The following PDPR variants were observed in gnomAD, a reference collection of about 807,000 sequenced individuals.
PDPR encodes pyruvate dehydrogenase phosphatase regulatory subunit, mitochondrial.
In PDPR, 50 loss-of-function variants were observed where a neutral mutation model predicts 102.2. The observed-to-expected ratio is 0.49, with a 90% CI of 0.39 to 0.62. PDPR has a LOEUF of 0.62. Among genes scored for constraint, PDPR ranks in the 20% least tolerant of loss-of-function variants. The probability of loss-of-function intolerance (pLI) is 0.00; values close to 1 mark genes in which losing one functional copy is unlikely to be tolerated. For synonymous variants in PDPR, 259 were observed against 406.0 expected (o/e 0.64, Z 4.35); for missense variants, 625 against 1,098.2 (o/e 0.57, Z 6.09).
chr16:70,156,898 A>G lies in PDPR; in HGVS notation c.*19A>G. 1 of 1,609,186 alleles carries G rather than the reference A, an allele frequency of 6.2e-7. No individual in the cohort carries two copies. The highest frequency in any genetic ancestry group is 8.5e-7 in the Non-Finnish European group (1 of 1,177,754). On this transcript the variant is annotated 3_prime_UTR_variant, in exon 19 of 19. Coordinates refer to ENST00000288050, the MANE Select transcript of PDPR (RefSeq NM_017990.5). ...GAAGTGATGCCACCAGGGCAGCCTC[A>G]CCTCCTCCCCATCATCTTGTCCTAG... is the stretch of plus-strand genomic sequence containing the variant.
chr16:70,127,154 T>G, intron 3 of PDPR, 106 bp from the exon 4 acceptor site: 1 of 1,537,574 alleles, frequency 6.5e-7, no homozygotes, highest in Non-Finnish European at 8.7e-7. Flanking sequence ...TGTGCCCAGC[T>G]TGTTTCCATC....
chr16:70,131,806 C>T lies in PDPR; in HGVS notation c.848-345C>T, dbSNP rs531882895. The stretch of plus-strand genomic sequence containing the variant: ...GGAGAGGGTTCTCACATCCTTTTGA[C>T]GGTCTTCATGCCTAGAATGGGCTCT... On this transcript the variant is annotated intron_variant, in intron 8 of 18. Transcript: ENST00000288050. 936 of 1,370,172 alleles carry T rather than the reference C, an allele frequency of 6.8e-4. 3 individuals are homozygous for T. The African/African-American group carries it at 0.012, about 17-fold the overall frequency. 84.9% of individuals were successfully genotyped at this position (1,370,172 alleles called of 1,614,324 possible).
intron 2 of PDPR, among the ~76,000 whole-genome samples, chr16:70,118,411 A>G (rs1962875980): frequency 6.6e-6 from 1 of 152,256 alleles, no homozygotes; most frequent in African/African-American, 2.4e-5. Context: ...ATACAGACAG[A>G]GGTCTGCCTG....
In PDPR at chr16:70,156,756, G is replaced by A. The variant is rs200091946; in HGVS notation, c.2517G>A (p.Glu839=). The change falls in exon 19 of 19, where the codon GAG becomes GAA. Residue 839 remains glutamate (E), a synonymous_variant. Coordinates refer to ENST00000288050, the MANE Select transcript of PDPR (RefSeq NM_017990.5). ...CAGCAGATTTCATCAACCGGGGAGA[G>A]TATGAGATTGACATCGCGGGATACC... is the stretch of plus-strand genomic sequence containing the variant. The part of the protein sequence containing the change: ...VVTADFINRG[E]YEIDIAGYRF... 241 of 1,613,784 alleles carry A rather than the reference G, an allele frequency of 1.5e-4. No homozygotes were observed. The highest frequency in any genetic ancestry group is 4.9e-4 in the Middle Eastern group (3 of 6,082).
Position 70,119,920 on chromosome 16 carries a change from G to GTT in PDPR, c.-32-539_-32-538dup, listed in dbSNP as rs796983852. Among the ~76,000 whole-genome samples, 1,063 of 137,744 alleles carry GTT rather than the reference G, an allele frequency of 7.7e-3. 57 individuals are homozygous for GTT. Among genetic ancestry groups the GTT allele is most frequent in the African/African-American group, 0.033 (995 of 29,992 alleles). 90.4% of individuals were successfully genotyped at this position (137,744 alleles called of 152,430 possible). A position where few individuals can be genotyped will look rare whatever the true frequency, so the allele number is the denominator to read the frequency against. ...TTTTTTGTTTTTTTTTTGTTTGTTT[G>GTT]TTTGTTTTTTTTTTGAGACGGAGTC... On this transcript the variant is annotated intron_variant, in intron 2 of 18. Transcript: ENST00000288050.
At chr16:70,118,071 C>T (rs1284387587) in intron 2 of PDPR, among the ~76,000 whole-genome samples, 3 of 145,020 alleles carry the variant, frequency 2.1e-5, no homozygotes, top group East Asian at 2.0e-4. Context: ...CCCAGCTGGG[C>T]GACAGAGTGA....
chr16:70,152,533 A>G (rs966933781), intron 17 of PDPR, among the ~76,000 whole-genome samples: 2 of 152,262 alleles, frequency 1.3e-5, no homozygotes, highest in African/African-American at 4.8e-5. Flanking sequence ...TAAATAAGTA[A>G]ATAAAGTTGT....
Position 70,153,508 on chromosome 16 carries a change from C to G in PDPR, c.2170C>G (p.Gln724Glu). 2 of 1,612,746 alleles carry G rather than the reference C, an allele frequency of 1.2e-6. No homozygotes were observed. Among genetic ancestry groups the G allele is most frequent in the Non-Finnish European group, 1.7e-6 (2 of 1,179,466 alleles). Residue 724 changes from glutamine (Q) to glutamate (E), a missense_variant, in exon 18 of 19, where the codon CAG becomes GAG. Gln to Glu is a conservative substitution (Grantham distance 29). This residue lies in a region of PDPR where 303 missense variants were observed against 258.9 expected (regional missense o/e 1.17). Coordinates refer to ENST00000288050, the MANE Select transcript of PDPR (RefSeq NM_017990.5). ...TGAGAAGTTTTTTGCCTTCTGGGGT[C>G]AGGATATAAATAACCTCACCACGCC... ...RIEKFFAFWG[Q>E]DINNLTTPLE...
chr16:70,121,912 G>T (rs145376743), intron 3 of PDPR, among the ~76,000 whole-genome samples: 261 of 152,126 alleles, frequency 1.7e-3, no homozygotes, highest in Non-Finnish European at 3.1e-3. Context: ...CTACTGACAT[G>T]CACCACCACA....
Position 70,117,954 on chromosome 16 carries a change from G to C in PDPR, c.-32-2507G>C, listed in dbSNP as rs151259706. Among the ~76,000 whole-genome samples the C allele has an allele frequency of 1.4e-4, 21 of 152,044 alleles. No individual in the cohort carries two copies. The East Asian group carries it at 4.1e-3, about 29-fold the overall frequency. On this transcript the variant is annotated intron_variant, in intron 2 of 18. Transcript: ENST00000288050. ...CTAAAAATACAAAAAGTAACTGGGC[G>C]TGGTGGCGCGTGCTTGTAGTTCCAG...
rs1201065640 is a variant in PDPR at position 70,138,207 on chromosome 16, A to ATT, written c.1191-665_1191-664dup. Among the ~76,000 whole-genome samples, 429 of 94,020 alleles carry ATT rather than the reference A, an allele frequency of 4.6e-3. 7 individuals are homozygous for ATT. Among genetic ancestry groups the ATT allele is most frequent in the African/African-American group, 0.014 (318 of 22,394 alleles). The allele number at this position is 94,020 out of a possible 152,430, so 61.7% of individuals were successfully genotyped here. On this transcript the variant is annotated intron_variant, in intron 10 of 18. Coordinates refer to ENST00000288050, the MANE Select transcript of PDPR (RefSeq NM_017990.5). ...CAGGCATGTGCCACCACGCCGGCTA[A>ATT]TTTTTTTTTTTTTTTTTTTTTTTTT...
chr16:70,154,251 C>T (rs1966876408), intron 18 of PDPR, among the ~76,000 whole-genome samples: 1 of 152,282 alleles, frequency 6.6e-6, no homozygotes, highest in Non-Finnish European at 1.5e-5. Context: ...TCACTTGAAC[C>T]TAACAGGCAG....
intron 10 of PDPR, 69 bp from the exon 11 acceptor site, chr16:70,138,830 C>A: frequency 6.2e-7 from 1 of 1,602,382 alleles, no homozygotes; most frequent in Non-Finnish European, 8.5e-7. Context: ...TGTTTGTTCT[C>A]GATTTGTAGA....
At position 70,156,675 on chromosome 16, in the gene PDPR, T is replaced by G; in HGVS notation, c.2436T>G (p.Val812=). 3 of 1,614,056 alleles carry G rather than the reference T, an allele frequency of 1.9e-6. No individual in the cohort carries two copies. The highest frequency in any genetic ancestry group is 2.5e-6 in the Non-Finnish European group (3 of 1,179,914). Residue 812 remains valine (V), a synonymous_variant, in exon 19 of 19, where the codon GTT becomes GTG. Transcript: ENST00000288050. ...ACAGCTACAGCCTGGAGCGCCACGT[T>G]TGCCTGGGCTTTGTGCACAATTTTT... The part of the protein sequence containing the change: ...SAYSYSLERH[V]CLGFVHNFSE...
At chr16:70,125,115 G>A (rs536364468) in intron 3 of PDPR, among the ~76,000 whole-genome samples, 209 of 152,276 alleles carry the variant, frequency 1.4e-3, no homozygotes, top group Middle Eastern at 0.01. Context: ...AGTGGCTTAT[G>A]CCGGTAATCC....
rs1355501290 is a variant in PDPR, at chr16:70,156,946, C to T, written c.*67C>T. On this transcript the variant is annotated 3_prime_UTR_variant, in exon 19 of 19. Coordinates refer to ENST00000288050, the MANE Select transcript of PDPR (RefSeq NM_017990.5). ...TAGAGTGGGCGTCACCTTGGAGCTT[C>T]TCTTCCTTCCGCCTCTGTTCCTCTT... 6.4e-7 allele frequency: 1 copy of T among 1,562,012 alleles called. No individual in the cohort carries two copies. Among genetic ancestry groups the T allele is most frequent in the African/African-American group, 1.4e-5 (1 of 73,362 alleles).
intron 17 of PDPR, among the ~76,000 whole-genome samples, chr16:70,152,527 T>C (rs1221498511): frequency 3.9e-5 from 6 of 152,242 alleles, no homozygotes; most frequent in Non-Finnish European, 5.9e-5. Flanking sequence ...CAAAAATAAA[T>C]AAGTAAATAA....
chr16:70,148,817 C>G (rs1331805205), intron 17 of PDPR, among the ~76,000 whole-genome samples: 3 of 152,248 alleles, frequency 2.0e-5, no homozygotes, highest in Non-Finnish European at 4.4e-5. Flanking sequence ...CTGTTCTCAC[C>G]AACTGTCACC....
At chr16:70,126,085 G>C (rs1963933978) in intron 3 of PDPR, among the ~76,000 whole-genome samples, 1 of 152,260 alleles carries the variant, frequency 6.6e-6, no homozygotes, top group Non-Finnish European at 1.5e-5. Context: ...TTTTATATAA[G>C]TGGGAGCATA....
Sources: gnomAD v4.1 joint callset for allele counts (sites outside exome capture counted in the v4.1 genomes callset) on GRCh38, gnomAD v4.1.1 for gene constraint, gnomAD v4.1.1 regional missense constraint, MANE v1.5 for transcripts, NCBI Gene and HGNC (gene_info 2026-07-23, HGNC 2026-07-21) for gene names.